DENND1B: variants seen among roughly 807,000 people sequenced by gnomAD.
DENND1B encodes the protein DENN domain containing 1B, also known as DENN domain-containing protein 1B.
A neutral mutation model predicts 90.1 loss-of-function variants in DENND1B; 59 were observed. That is an observed-to-expected ratio of 0.65 (90% CI 0.53 to 0.81). DENND1B has a LOEUF of 0.81. DENND1B is among the 40% of genes least tolerant of loss of function. The pLI is 0.00. For synonymous variants in DENND1B, 337 were observed against 324.6 expected, an observed-to-expected ratio of 1.04 and a Z score of -0.41; for missense variants, 862 against 912.6, an observed-to-expected ratio of 0.94 and a Z score of 0.71.
At chr1:197,644,280 A>C (rs772727724) in intron 9 of DENND1B, among the ~76,000 whole-genome samples, 1 of 152,220 alleles carries the variant, frequency 6.6e-6, no homozygotes, top group Non-Finnish European at 1.5e-5. Flanking sequence ...TCTTTTCCCT[A>C]AACAGGACTT....
chr1:197,658,293 A>C lies in DENND1B; in HGVS notation c.366+7T>G. ...CACAATTTAAAAATGGGGAAAAAAT[A>C]GCTTACCAGTTCCTTAGCCAAGTAA... On this transcript the variant is annotated splice_region_variant and intron_variant, in intron 6 of 22. Coordinates refer to ENST00000620048, the MANE Select transcript of DENND1B (RefSeq NM_001195215.2). The C allele has an allele frequency of 6.2e-7, 1 of 1,602,692 alleles. No homozygotes were observed.
intron 20 of DENND1B, among the ~76,000 whole-genome samples, chr1:197,530,559 G>C (rs940929914): frequency 3.3e-5 from 5 of 152,050 alleles, no homozygotes; most frequent in Non-Finnish European, 7.4e-5. Flanking sequence ...TGGGATCTAT[G>C]ATCATCCCTA....
chr1:197,667,187 T>C (rs1056512375), intron 5 of DENND1B, among the ~76,000 whole-genome samples: 1 of 150,404 alleles, frequency 6.6e-6, no homozygotes, highest in Non-Finnish European at 1.5e-5. Flanking sequence ...TACAGTAAAA[T>C]TAAGTAACCA....
At chr1:197,619,629 C>A (rs76994773) in intron 10 of DENND1B, among the ~76,000 whole-genome samples, 2 of 151,144 alleles carry the variant, frequency 1.3e-5, no homozygotes. Flanking sequence ...TAATACCTCA[C>A]TTTATTTCAC....
chr1:197,537,246 C>G (rs1669981335), intron 20 of DENND1B, among the ~76,000 whole-genome samples: 1 of 152,094 alleles, frequency 6.6e-6, no homozygotes, highest in African/African-American at 2.4e-5. Flanking sequence ...TTAATCAATT[C>G]TTATACACCA....
chr1:197,700,994 T>C (rs1658969116), intron 3 of DENND1B, among the ~76,000 whole-genome samples: 1 of 152,184 alleles, frequency 6.6e-6, no homozygotes, highest in Non-Finnish European at 1.5e-5. Flanking sequence ...TGTAAATTAG[T>C]TCAACCATTG....
At chr1:197,536,685 T>A (rs1469538635) in intron 20 of DENND1B, among the ~76,000 whole-genome samples, 1 of 151,902 alleles carries the variant, frequency 6.6e-6, no homozygotes, top group East Asian at 1.9e-4. Flanking sequence ...GCAAGCAAAA[T>A]CCTAAATTAT....
intron 20 of DENND1B, 90 bp downstream of exon 20, chr1:197,539,874 A>C: frequency 9.0e-7 from 1 of 1,112,498 alleles, no homozygotes; most frequent in Non-Finnish European, 1.3e-6. Context: ...TAAGATAAAA[A>C]ATTAGTGGAT....
chr1:197,692,537 C>A (rs1316579176), intron 3 of DENND1B, among the ~76,000 whole-genome samples: 1 of 151,824 alleles, frequency 6.6e-6, no homozygotes, highest in African/African-American at 2.4e-5. Context: ...TTCTTCCATT[C>A]CCTATGGCTC....
intron 12 of DENND1B, among the ~76,000 whole-genome samples, chr1:197,610,958 C>T (rs755567379): frequency 2.7e-5 from 4 of 150,608 alleles, no homozygotes; most frequent in Non-Finnish European, 4.5e-5. Context: ...GAGTACCGGT[C>T]GGAATCCACA....
intron 10 of DENND1B, among the ~76,000 whole-genome samples, chr1:197,620,770 CA>C (rs1321598435): frequency 6.6e-6 from 1 of 151,306 alleles, no homozygotes; most frequent in African/African-American, 2.4e-5. Flanking sequence ...AACAGGGACA[CA>C]GTACTAAACA....
At chr1:197,630,342 C>T (rs1308971556) in intron 10 of DENND1B, among the ~76,000 whole-genome samples, 1 of 152,034 alleles carries the variant, frequency 6.6e-6, no homozygotes, top group Non-Finnish European at 1.5e-5. Context: ...AAGGCTTGCT[C>T]TCTTCTCCAT....
chr1:197,536,524 C>G (rs1392264602), intron 20 of DENND1B, among the ~76,000 whole-genome samples: 1 of 151,972 alleles, frequency 6.6e-6, no homozygotes, highest in African/African-American at 2.4e-5. Context: ...ATTAGTAATG[C>G]AAGATAGCAT....
At chr1:197,642,844 T>C in intron 9 of DENND1B, 23 bp from the exon 10 acceptor site, 1 of 1,559,110 alleles carries the variant, frequency 6.4e-7, no homozygotes, top group Non-Finnish European at 8.8e-7. Flanking sequence ...AAGATAATTG[T>C]GTAAGTTACA....
At chr1:197,732,189 T>G (rs1285838435) in intron 2 of DENND1B, among the ~76,000 whole-genome samples, 1 of 152,188 alleles carries the variant, frequency 6.6e-6, no homozygotes, top group African/African-American at 2.4e-5. Context: ...TCTATACTTC[T>G]GTCTTAAAAG....
chr1:197,777,020 A>G (rs527877739), upstream of DENND1B, among the ~76,000 whole-genome samples: 2 of 152,328 alleles, frequency 1.3e-5, no homozygotes, highest in African/African-American at 4.8e-5. Context: ...CAGTTTCACA[A>G]TTAGGCAAAC....
At chr1:197,707,635 A>G (rs866496433) in intron 3 of DENND1B, among the ~76,000 whole-genome samples, 7 of 147,054 alleles carry the variant, frequency 4.8e-5, no homozygotes, top group African/African-American at 1.5e-4. Flanking sequence ...TAATACATAT[A>G]TTATATAATA....
chr1:197,737,518 C>T (rs1477347571), intron 2 of DENND1B, among the ~76,000 whole-genome samples: 4 of 152,048 alleles, frequency 2.6e-5, no homozygotes, highest in Non-Finnish European at 5.9e-5. Context: ...TATGACAAAA[C>T]TCCACAGGCC....
At chr1:197,534,558 T>G (rs546544393) in intron 20 of DENND1B, among the ~76,000 whole-genome samples, 1 of 152,220 alleles carries the variant, frequency 6.6e-6, no homozygotes, top group Non-Finnish European at 1.5e-5. Flanking sequence ...TTATGAATCA[T>G]GTAGCTGTGC....
Sources: gnomAD v4.1 joint callset for allele counts (sites outside exome capture counted in the v4.1 genomes callset) on GRCh38, gnomAD v4.1.1 for gene constraint, MANE v1.5 for transcripts, NCBI Gene and HGNC (gene_info 2026-07-23, HGNC 2026-07-21) for gene names.